KCNIP4: variants seen among roughly 807,000 people sequenced by gnomAD.
KCNIP4 encodes potassium voltage-gated channel interacting protein 4.
A neutral mutation model predicts 34.0 loss-of-function variants in KCNIP4; 12 were observed. That is an observed-to-expected ratio of 0.35 (90% CI 0.23 to 0.57). KCNIP4 has a LOEUF of 0.57. Among genes scored for constraint, KCNIP4 ranks in the 20% least tolerant of loss-of-function variants. The pLI is 0.83. For synonymous variants in KCNIP4, 124 were observed against 102.2 expected (o/e 1.21, Z -1.29); for missense variants, 238 against 311.7 (o/e 0.76, Z 1.78).
chr4:21,050,215 T>C (rs1742802301), intron 1 of KCNIP4, among the ~76,000 whole-genome samples: 1 of 152,208 alleles, frequency 6.6e-6, no homozygotes, highest in Non-Finnish European at 1.5e-5. Context: ...TATAATTTAA[T>C]CACAAGATCG....
At chr4:20,863,287 G>T (rs547798727) in intron 2 of KCNIP4, among the ~76,000 whole-genome samples, 1 of 151,956 alleles carries the variant, frequency 6.6e-6, no homozygotes, top group Non-Finnish European at 1.5e-5. Flanking sequence ...CTCATAGTGC[G>T]GTTTTCTTGT....
chr4:21,889,029 A>G (rs1244023480), intron 1 of KCNIP4, among the ~76,000 whole-genome samples: 2 of 152,178 alleles, frequency 1.3e-5, no homozygotes, highest in Non-Finnish European at 2.9e-5. Context: ...CTTTTTCACT[A>G]TATTAATGGC....
intron 1 of KCNIP4, among the ~76,000 whole-genome samples, chr4:21,436,017 CTGTT>C (rs1726915767): frequency 6.6e-6 from 1 of 152,158 alleles, no homozygotes; most frequent in South Asian, 2.1e-4. Context: ...TCTTACTATT[CTGTT>C]TGACAATGTC....
intron 1 of KCNIP4, among the ~76,000 whole-genome samples, chr4:21,698,892 C>A (rs577593769): frequency 6.6e-6 from 1 of 152,256 alleles, no homozygotes; most frequent in South Asian, 2.1e-4. Context: ...TCATTCTCTT[C>A]TAGAACTCTT....
intron 1 of KCNIP4, among the ~76,000 whole-genome samples, chr4:21,507,992 T>A (rs1268856745): frequency 7.9e-5 from 12 of 152,148 alleles, no homozygotes; most frequent in Admixed American, 7.9e-4. Flanking sequence ...CCAGAAGGCT[T>A]AGGGTGTTTA....
intron 1 of KCNIP4, among the ~76,000 whole-genome samples, chr4:21,126,857 C>G (rs112308891): frequency 2.0e-5 from 3 of 152,076 alleles, no homozygotes; most frequent in Non-Finnish European, 2.9e-5. Context: ...GAAAAATTTG[C>G]TTATTTAAAG....
At chr4:21,818,762 TA>T (rs1722142097) in intron 1 of KCNIP4, among the ~76,000 whole-genome samples, 1 of 152,246 alleles carries the variant, frequency 6.6e-6, no homozygotes, top group African/African-American at 2.4e-5. Flanking sequence ...AGAAACTTTC[TA>T]TCTCATCAGA....
At chr4:21,041,694 G>A (rs1432900719) in intron 1 of KCNIP4, among the ~76,000 whole-genome samples, 1 of 152,186 alleles carries the variant, frequency 6.6e-6, no homozygotes, top group Non-Finnish European at 1.5e-5. Flanking sequence ...ATCTTTCGGT[G>A]ATGACAAGAA....
intron 1 of KCNIP4, among the ~76,000 whole-genome samples, chr4:20,944,614 T>C (rs897552773): frequency 1.1e-4 from 16 of 152,222 alleles, no homozygotes; most frequent in Admixed American, 9.8e-4. Flanking sequence ...GCACTCATCA[T>C]GGCAGAGACA....
rs138938017 is a variant in KCNIP4 at position 21,022,200 on chromosome 4, T to C, written c.62-139491A>G. 4.0e-3 allele frequency among the ~76,000 whole-genome samples: 610 copies of C among 152,300 alleles called. 1 individual carries two copies. Among genetic ancestry groups the C allele is most frequent in the Non-Finnish European group, 6.8e-3 (465 of 68,026 alleles). On this transcript the variant is annotated intron_variant, in intron 1 of 8. Transcript: ENST00000382152. ...TTTAAGCTGCTTAAATTAATTTCAA[T>C]TGCTGTTCCAATTTTCTTAGTCATT... is the stretch of plus-strand genomic sequence containing the variant.
intron 1 of KCNIP4, among the ~76,000 whole-genome samples, chr4:20,910,346 C>T (rs1054074817): frequency 6.6e-6 from 1 of 151,770 alleles, no homozygotes; most frequent in African/African-American, 2.4e-5. Context: ...ATAATGTACA[C>T]CTTTGTCAAC....
chr4:21,055,358 G>T (rs1743308740), intron 1 of KCNIP4, among the ~76,000 whole-genome samples: 1 of 152,124 alleles, frequency 6.6e-6, no homozygotes, highest in African/African-American at 2.4e-5. Flanking sequence ...AAAACCTTTT[G>T]GCAGTTTCTA....
chr4:21,687,177 G>A (rs1390084848), intron 1 of KCNIP4, among the ~76,000 whole-genome samples: 1 of 109,172 alleles, frequency 9.2e-6, no homozygotes, highest in Non-Finnish European at 1.8e-5. Flanking sequence ...GGTGGGGTGG[G>A]GGGAGGGGGG....
At chr4:21,898,988 C>T (rs192318462) in intron 1 of KCNIP4, among the ~76,000 whole-genome samples, 3 of 152,190 alleles carry the variant, frequency 2.0e-5, no homozygotes, top group Admixed American at 6.5e-5. Context: ...GGAGAGGCAC[C>T]TCTGCATGTG....
chr4:20,931,367 T>C (rs891751491), intron 1 of KCNIP4, among the ~76,000 whole-genome samples: 3 of 152,112 alleles, frequency 2.0e-5, no homozygotes, highest in Non-Finnish European at 4.4e-5. Flanking sequence ...AACAAGGATA[T>C]GTTCCGAAAA....
At chr4:21,752,215 T>C (rs967937828) in intron 1 of KCNIP4, among the ~76,000 whole-genome samples, 1 of 152,238 alleles carries the variant, frequency 6.6e-6, no homozygotes, top group South Asian at 2.1e-4. Context: ...TTCACACTGC[T>C]ATAAAGAAAT....
At chr4:20,815,865 A>G (rs1035514931) in intron 3 of KCNIP4, among the ~76,000 whole-genome samples, 1 of 152,164 alleles carries the variant, frequency 6.6e-6, no homozygotes, top group Admixed American at 6.5e-5. Context: ...TTAAGAGGTC[A>G]AATAACTTTC....
chr4:21,445,738 C>A (rs189731409), intron 1 of KCNIP4, among the ~76,000 whole-genome samples: 201 of 152,052 alleles, frequency 1.3e-3, no homozygotes, highest in African/African-American at 4.6e-3. Flanking sequence ...TCTAAAACAC[C>A]AAAGCAATGG....
At chr4:21,250,014 A>T (rs924304399) in intron 1 of KCNIP4, among the ~76,000 whole-genome samples, 4 of 152,046 alleles carry the variant, frequency 2.6e-5, no homozygotes, top group Non-Finnish European at 5.9e-5. Flanking sequence ...TGATTTCTTG[A>T]TATCCATTCA....
Sources: allele counts gnomAD v4.1 joint callset (sites outside exome capture counted in the v4.1 genomes callset), GRCh38; gene constraint gnomAD v4.1.1; transcripts MANE v1.5; gene names NCBI Gene and HGNC (gene_info 2026-07-23, HGNC 2026-07-21).